Variants in ANKRD44 observed in about 807,000 individuals in gnomAD.
ANKRD44 encodes serine/threonine-protein phosphatase 6 regulatory ankyrin repeat subunit B.
In ANKRD44, 35 loss-of-function variants were observed where a neutral mutation model predicts 116.0. The ratio of observed to expected loss-of-function variants is 0.30; its 90% confidence interval spans 0.23 to 0.40. The LOEUF is 0.40. Among genes scored for constraint, ANKRD44 ranks in the 10% least tolerant of loss-of-function variants. The pLI, the probability that ANKRD44 is intolerant of heterozygous loss-of-function variation, is 1.00. For missense variants in ANKRD44, 1,014 were observed against 1,242.6 expected (o/e 0.82, Z 2.77); for synonymous variants, 435 against 461.8 (o/e 0.94, Z 0.74).
chr2:197,191,977 G>A (rs145470062), intron 1 of ANKRD44, among the ~76,000 whole-genome samples: 19 of 152,168 alleles, frequency 1.2e-4, no homozygotes, highest in African/African-American at 4.6e-4. Context: ...ATATGCTACT[G>A]ATGTCATCAG....
At chr2:197,216,210 A>G (rs1471555597) in intron 1 of ANKRD44, among the ~76,000 whole-genome samples, 1 of 152,208 alleles carries the variant, frequency 6.6e-6, no homozygotes, top group Non-Finnish European at 1.5e-5. Context: ...TATAGTTTTC[A>G]AATATTAGTG....
At chr2:197,001,116 T>C (rs1266726202) in intron 22 of ANKRD44, among the ~76,000 whole-genome samples, 3 of 152,216 alleles carry the variant, frequency 2.0e-5, no homozygotes, top group African/African-American at 7.2e-5. Flanking sequence ...ACTTTATGCC[T>C]CCAATATCTT....
rs865914935 is a variant in ANKRD44, at chr2:197,310,733, C to T, written c.-129G>A. ...TGGCTCCCGAATTTGACAGCCCTCC[C>T]CCTGCTCCTCCTCCGCCGCCGCCTC... On this transcript the variant is annotated 5_prime_UTR_variant, in exon 1 of 28. Transcript: ENST00000282272. 52 of 951,100 alleles carry T rather than the reference C, an allele frequency of 5.5e-5. No individual in the cohort carries two copies. In the African/African-American group the frequency reaches 7.7e-4, roughly 14 times the overall value. The allele number at this position is 951,100 out of a possible 1,614,324, so 58.9% of individuals were successfully genotyped here.
chr2:197,171,160 A>G (rs2080224013), intron 2 of ANKRD44, among the ~76,000 whole-genome samples: 1 of 152,226 alleles, frequency 6.6e-6, no homozygotes. Flanking sequence ...CATCTGAACC[A>G]CAGAAGACCC....
At position 197,038,343 on chromosome 2, in the gene ANKRD44, T is replaced by G. The variant is rs555656913; in HGVS notation, c.1651-13076A>C. Among the ~76,000 whole-genome samples the G allele has an allele frequency of 1.9e-3, 286 of 152,242 alleles. 2 individuals are homozygous for G. The East Asian group carries it at 0.036, about 19-fold the overall frequency. On this transcript the variant is annotated intron_variant, in intron 16 of 27. Coordinates refer to ENST00000282272, the MANE Select transcript of ANKRD44 (RefSeq NM_001195144.2). ...ACTGCGCTTAGAAAAATAAAAGTCT[T>G]ATAATAACAAAAACACCAACCAACC...
At chr2:196,978,184 G>C (rs1419754982) in intron 21 of ANKRD44, among the ~76,000 whole-genome samples, 1 of 152,054 alleles carries the variant, frequency 6.6e-6, no homozygotes, top group Non-Finnish European at 1.5e-5. Context: ...TAAATGGCTT[G>C]GTGCTGTCCT....
intron 10 of ANKRD44, among the ~76,000 whole-genome samples, chr2:197,093,239 G>A (rs2078083679): frequency 6.6e-6 from 1 of 151,844 alleles, no homozygotes; most frequent in Non-Finnish European, 1.5e-5. Context: ...ATGAATTTGA[G>A]GAAATAGCAT....
intron 1 of ANKRD44, among the ~76,000 whole-genome samples, chr2:197,235,587 G>A (rs77430384): frequency 0.047 from 6,934 of 146,330 alleles, 542 homozygotes; most frequent in African/African-American, 0.17. Context: ...CTGCACTCCA[G>A]CCTGGGTGAT....
chr2:197,209,543 C>G (rs183745919), intron 1 of ANKRD44, among the ~76,000 whole-genome samples: 3 of 152,324 alleles, frequency 2.0e-5, no homozygotes, highest in Non-Finnish European at 4.4e-5. Context: ...ACCTTAGACT[C>G]TTCCTCAGCA....
At chr2:197,202,113 C>T (rs960335126) in intron 1 of ANKRD44, among the ~76,000 whole-genome samples, 4 of 152,188 alleles carry the variant, frequency 2.6e-5, no homozygotes, top group Non-Finnish European at 2.9e-5. Flanking sequence ...TGCCCAGGCA[C>T]GCAGAGGCTT....
intron 1 of ANKRD44, among the ~76,000 whole-genome samples, chr2:197,278,502 A>C (rs112224028): frequency 8.5e-5 from 13 of 152,068 alleles, no homozygotes; most frequent in South Asian, 2.1e-4. Context: ...GACTACAGGC[A>C]CGCACCACCA....
chr2:197,143,717 C>T (rs2079429680), intron 3 of ANKRD44, among the ~76,000 whole-genome samples: 1 of 152,110 alleles, frequency 6.6e-6, no homozygotes, highest in South Asian at 2.1e-4. Context: ...GCAACCTCTG[C>T]CTCCCAGGCT....
At chr2:197,181,273 T>G (rs2080498429) in intron 2 of ANKRD44, among the ~76,000 whole-genome samples, 2 of 152,136 alleles carry the variant, frequency 1.3e-5, no homozygotes, top group Non-Finnish European at 1.5e-5. Context: ...TTGGGGACAA[T>G]TCAACTGAAA....
At chr2:197,002,559 C>T (rs368618851) in intron 21 of ANKRD44, among the ~76,000 whole-genome samples, 23 of 152,160 alleles carry the variant, frequency 1.5e-4, no homozygotes, top group East Asian at 5.8e-4. Context: ...ACTAGGAATA[C>T]CTGCCCTACC....
At chr2:197,240,059 A>T (rs1470029740) in intron 1 of ANKRD44, among the ~76,000 whole-genome samples, 3 of 152,106 alleles carry the variant, frequency 2.0e-5, no homozygotes, top group African/African-American at 7.2e-5. Context: ...ATAGAAGAAA[A>T]TCTAGATATA....
At chr2:196,973,437 T>C (rs148812531) in intron 21 of ANKRD44, among the ~76,000 whole-genome samples, 3 of 152,272 alleles carry the variant, frequency 2.0e-5, no homozygotes, top group Non-Finnish European at 2.9e-5. Context: ...TTCACATTTT[T>C]ATATAATCAA....
chr2:197,238,276 T>C (rs1486815520), intron 1 of ANKRD44, among the ~76,000 whole-genome samples: 1 of 152,186 alleles, frequency 6.6e-6, no homozygotes, highest in South Asian at 2.1e-4. Context: ...TAGGCACTCA[T>C]TACATTTGCT....
At chr2:197,226,316 A>G (rs943405270) in intron 1 of ANKRD44, among the ~76,000 whole-genome samples, 3 of 152,216 alleles carry the variant, frequency 2.0e-5, no homozygotes, top group Non-Finnish European at 2.9e-5. Context: ...CTCAGAGCCA[A>G]TTAATCACCA....
intron 16 of ANKRD44, among the ~76,000 whole-genome samples, chr2:197,038,006 G>A (rs2076838884): frequency 6.6e-6 from 1 of 152,154 alleles, no homozygotes; most frequent in Non-Finnish European, 1.5e-5. Flanking sequence ...GTTGGGAGGA[G>A]GGATGAGTAG....
Sources: allele counts gnomAD v4.1 joint callset (sites outside exome capture counted in the v4.1 genomes callset), GRCh38; gene constraint gnomAD v4.1.1; transcripts MANE v1.5; gene names NCBI Gene and HGNC (gene_info 2026-07-23, HGNC 2026-07-21).